Variants in TLCD3B observed in about 807,000 individuals in gnomAD.
TLCD3B encodes ceramide synthase.
Under a neutral mutation model 23.0 loss-of-function variants are expected in TLCD3B, and 9 were observed. That is an observed-to-expected ratio of 0.39 (90% CI 0.24 to 0.68). TLCD3B has a LOEUF of 0.68. Ranked by LOEUF, TLCD3B falls within the 30% of genes least tolerant of loss-of-function variation. The pLI is 0.44. For synonymous variants in TLCD3B, 161 were observed against 161.0 expected (o/e 1.00, Z 0.00); for missense variants, 307 against 371.8 (o/e 0.83, Z 1.43).
intron 3 of TLCD3B, 80 bp downstream of exon 3, chr16:30,026,529 C>T: frequency 1.6e-6 from 2 of 1,285,040 alleles, no homozygotes; most frequent in Non-Finnish European, 1.1e-6. Flanking sequence ...AGACCCGGGG[C>T]TTCCCAGGCT....
upstream of TLCD3B, chr16:30,035,234 A>G: frequency 1.7e-6 from 2 of 1,152,420 alleles, no homozygotes; most frequent in Non-Finnish European, 2.2e-6. Flanking sequence ...TTGACTCCAC[A>G]TTCCAGCTCC....
Position 30,025,563 on chromosome 16 carries a change from C to T in TLCD3B, c.541-96G>A, listed in dbSNP as rs1354583711. 1 of 1,549,952 alleles carries T rather than the reference C, an allele frequency of 6.5e-7. No individual in the cohort carries two copies. Among genetic ancestry groups the T allele is most frequent in the African/African-American group, 1.4e-5 (1 of 73,552 alleles). ...CCTGCGACCCTAGCAGGCAGCTCCTCCCAAACCAGACACTTTGCCAGGACA... is the reference window on the plus strand; with the variant it reads ...CCTGCGACCCTAGCAGGCAGCTCCTTCCAAACCAGACACTTTGCCAGGACA... On this transcript the variant is annotated intron_variant, in intron 4 of 4. Coordinates refer to ENST00000380495, the MANE Select transcript of TLCD3B (RefSeq NM_031478.6). The surrounding 1 kb of genome is among the most constrained non-coding windows in gnomAD (Gnocchi z 4.1).
rs1351561685 is a variant in TLCD3B at position 30,027,013 on chromosome 16, T to A, written c.210-170A>T. On this transcript the variant is annotated intron_variant, in intron 2 of 4. Transcript: ENST00000380495. ...AAACTTGCCCAAGGTCACACAGTCA[T>A]GCAGCTAGTAAGAGATGGTGCTGGG... The A allele has an allele frequency of 1.0e-5, 7 of 699,704 alleles. No homozygotes were observed. The East Asian group carries it at 1.9e-4, about 19-fold the overall frequency. 43.3% of individuals were successfully genotyped at this position (699,704 alleles called of 1,614,324 possible).
chr16:30,032,119 C>CG (rs890586777), upstream of TLCD3B, among the ~76,000 whole-genome samples: 15 of 152,244 alleles, frequency 9.9e-5, no homozygotes, highest in African/African-American at 3.4e-4. Flanking sequence ...GAAAGGACTG[C>CG]GGGGTGGGCT....
At chr16:30,038,737 G>A (rs1346504178) in intron 3 of TLCD3B, among the ~76,000 whole-genome samples, 5 of 150,116 alleles carry the variant, frequency 3.3e-5, no homozygotes, top group South Asian at 4.2e-4. Context: ...CAGCCTGGGC[G>A]ACAGAGCGAG....
upstream of TLCD3B, among the ~76,000 whole-genome samples, chr16:30,032,028 C>A (rs1233195793): frequency 1.3e-5 from 2 of 152,192 alleles, no homozygotes; most frequent in Non-Finnish European, 2.9e-5. Flanking sequence ...AATTCCCACC[C>A]CTCACTTTTT....
chr16:30,040,487 G>A (rs533286937), intron 3 of TLCD3B, among the ~76,000 whole-genome samples: 2 of 151,946 alleles, frequency 1.3e-5, no homozygotes, highest in South Asian at 4.2e-4. Context: ...TGACAAAATC[G>A]GTAAATGTGA....
chr16:30,052,293 A>C (rs1380375617), intron 1 of TLCD3B, among the ~76,000 whole-genome samples: 1 of 151,136 alleles, frequency 6.6e-6, no homozygotes, highest in Non-Finnish European at 1.5e-5. Flanking sequence ...GCTTGAACCC[A>C]GGAGACATAG....
At position 30,025,513 on chromosome 16, in the gene TLCD3B, C is replaced by G; in HGVS notation, c.541-46G>C. The G allele has an allele frequency of 6.2e-7, 1 of 1,601,274 alleles. No homozygotes were observed. Among genetic ancestry groups the G allele is most frequent in the Non-Finnish European group, 8.5e-7 (1 of 1,173,896 alleles). ...TGGCCACGGCAGCAGAAGGGCTCGG[C>G]CCCCCTTGGCCCTCTCCCTGCCTCC... is the stretch of plus-strand genomic sequence containing the variant. On this transcript the variant is annotated intron_variant, in intron 4 of 4. Transcript: ENST00000380495. This position sits in a 1 kb window ranked among gnomAD's most constrained non-coding sequence, Gnocchi z 4.1.
At chr16:30,036,122 C>G, upstream of TLCD3B, 1 of 1,259,634 alleles carries the variant, frequency 7.9e-7, no homozygotes, top group African/African-American at 1.6e-5. Context: ...GCCGCCCACC[C>G]TAAGTCACCT....
upstream of TLCD3B, chr16:30,035,523 T>A: frequency 7.8e-7 from 1 of 1,287,136 alleles, no homozygotes; most frequent in Admixed American, 2.3e-5. Flanking sequence ...TGAGAACACC[T>A]CAACACAACA....
intron 1 of TLCD3B, among the ~76,000 whole-genome samples, chr16:30,049,076 T>C (rs1471465117): frequency 6.6e-6 from 1 of 152,020 alleles, no homozygotes; most frequent in African/African-American, 2.4e-5. Context: ...GGCCTAAAGG[T>C]TTTTTTCGTT....
intron 2 of TLCD3B, among the ~76,000 whole-genome samples, chr16:30,041,613 T>C (rs1168063739): frequency 1.3e-5 from 2 of 151,372 alleles, no homozygotes; most frequent in African/African-American, 4.9e-5. Flanking sequence ...TCCCAGCTAC[T>C]TGGGAGGCTG....
rs528468892 is a variant in TLCD3B at position 30,036,453 on chromosome 16, G to A, written c.-66-239C>T. 2.4e-6 allele frequency: 3 copies of A among 1,233,126 alleles called. No homozygotes were observed. In the East Asian group the frequency reaches 1.7e-4, roughly 70 times the overall value. The allele number at this position is 1,233,126 out of a possible 1,614,324, so 76.4% of individuals were successfully genotyped here. A position where few individuals can be genotyped will look rare whatever the true frequency, so the allele number is the denominator to read the frequency against. ...TGGAGCAGGCACAGGCAGGATGAAG[G>A]GAACCAGGTCCTGCCATCCTGCCTT... On this transcript the variant is annotated intron_variant, in intron 3 of 6. Coordinates refer to the TLCD3B transcript ENST00000561666.
chr16:30,025,946 G>A lies in TLCD3B; in HGVS notation c.445-125C>T, dbSNP rs1312788798. 4.1e-6 allele frequency: 3 copies of A among 736,280 alleles called. No homozygotes were observed. The highest frequency in any genetic ancestry group is 4.6e-5 in the Admixed American group (2 of 43,722). The allele number at this position is 736,280 out of a possible 1,614,324, so 45.6% of individuals were successfully genotyped here. On this transcript the variant is annotated intron_variant, in intron 3 of 4. Coordinates refer to ENST00000380495, the MANE Select transcript of TLCD3B (RefSeq NM_031478.6). The surrounding 1 kb of genome is among the most constrained non-coding windows in gnomAD (Gnocchi z 4.1). The stretch of plus-strand genomic sequence containing the variant: ...TGACTCTGAACATCAGAACACCTGG[G>A]TGCAGGGCTGGGTGCAGTGGCTCAC...
chr16:30,038,245 C>T (rs548499470), intron 3 of TLCD3B, among the ~76,000 whole-genome samples: 1 of 152,058 alleles, frequency 6.6e-6, no homozygotes, highest in South Asian at 2.1e-4. Context: ...TCATTAAATG[C>T]TGCTTAGACT....
At chr16:30,036,233 G>A (rs1290209126), upstream of TLCD3B, 5 of 1,288,988 alleles carry the variant, frequency 3.9e-6, no homozygotes, top group Non-Finnish European at 5.1e-6. Context: ...AAGGAAGGGA[G>A]GGGGTTGTCA....
intron 3 of TLCD3B, among the ~76,000 whole-genome samples, chr16:30,036,837 C>A (rs1334196616): frequency 1.3e-5 from 2 of 152,138 alleles, no homozygotes; most frequent in Non-Finnish European, 2.9e-5. Context: ...GTAATCCCAG[C>A]ACTTTGGGAG....
intron 3 of TLCD3B, chr16:30,036,508 G>A (rs556213995): frequency 2.0e-6 from 2 of 999,176 alleles, no homozygotes; most frequent in Non-Finnish European, 2.6e-6. Flanking sequence ...GACCTTCTCG[G>A]GATAAAAGGA....
Sources: gnomAD v4.1 joint callset for allele counts (sites outside exome capture counted in the v4.1 genomes callset) on GRCh38, gnomAD v4.1.1 for gene constraint, Gnocchi (gnomAD v3.1) non-coding constraint, MANE v1.5 for transcripts, NCBI Gene and HGNC (gene_info 2026-07-23, HGNC 2026-07-21) for gene names.